Variants in ANKHD1 observed in about 807,000 individuals in gnomAD.
ANKHD1 encodes ankyrin repeat and KH domain-containing protein 1.
ANKHD1 carries 31 observed loss-of-function variants against 230.5 expected under a neutral mutation model. That is an observed-to-expected ratio of 0.13 (90% CI 0.10 to 0.18). The LOEUF (loss-of-function observed/expected upper bound fraction) is 0.18, where lower values mean the gene tolerates loss of function less well. Ranked by LOEUF, ANKHD1 falls within the 10% of genes least tolerant of loss-of-function variation. The pLI is 1.00. For missense variants in ANKHD1, 2,256 were observed against 3,071.3 expected, an observed-to-expected ratio of 0.73 and a Z score of 6.27; for synonymous variants, 1,074 against 1,117.6, an observed-to-expected ratio of 0.96 and a Z score of 0.78.
rs886279294 is a variant in ANKHD1, at chr5:140,485,306, C to T, written c.1998+58C>T. On this transcript the variant is annotated intron_variant, in intron 12 of 33. Coordinates refer to ENST00000360839, the MANE Select transcript of ANKHD1 (RefSeq NM_017747.3). The surrounding 1 kb of genome is among the most constrained non-coding windows in gnomAD (Gnocchi z 4.8). Reference sequence around the variant, plus strand: ...GTGCGGTGGCTCATGTCTATGATCCCAGCACTTTAGAAAGCTGAGGCGGGT... The same window carrying T: ...GTGCGGTGGCTCATGTCTATGATCCTAGCACTTTAGAAAGCTGAGGCGGGT... 19 of 1,557,802 alleles carry T rather than the reference C, an allele frequency of 1.2e-5. No individual in the cohort carries two copies. Among genetic ancestry groups the T allele is most frequent in the Admixed American group, 1.9e-5 (1 of 53,052 alleles).
intron 24 of ANKHD1, among the ~76,000 whole-genome samples, chr5:140,516,004 C>T (rs928692827): frequency 3.3e-5 from 5 of 152,026 alleles, no homozygotes; most frequent in South Asian, 2.1e-4. Flanking sequence ...CTCTGAGCTA[C>T]GGGAGGAAAT....
intron 28 of ANKHD1, 25 bp from the exon 29 acceptor site, chr5:140,528,159 G>GT: frequency 1.4e-6 from 2 of 1,462,738 alleles, no homozygotes; most frequent in Non-Finnish European, 9.0e-7. Context: ...TTTTGGTCTT[G>GT]TTTCTGTTTT....
At chr5:140,438,358 C>A (rs1773605326) in intron 2 of ANKHD1, 103 bp from the exon 3 acceptor site, 3 of 1,409,408 alleles carry the variant, frequency 2.1e-6, no homozygotes, top group Non-Finnish European at 2.8e-6. Context: ...TATACCATTT[C>A]TTTTTCCTAG....
intron 2 of ANKHD1, 67 bp from the exon 3 acceptor site, chr5:140,438,394 C>G: frequency 6.9e-7 from 1 of 1,445,466 alleles, no homozygotes; most frequent in Non-Finnish European, 9.2e-7. Context: ...AATATAATTA[C>G]AATTTGCACT....
At chr5:140,525,195 A>G (rs1006010021) in intron 25 of ANKHD1, among the ~76,000 whole-genome samples, 1 of 152,170 alleles carries the variant, frequency 6.6e-6, no homozygotes, top group Non-Finnish European at 1.5e-5. Flanking sequence ...AGACAAGAAA[A>G]TATATTTTAT....
At chr5:140,413,318 T>C (rs1016763068) in intron 1 of ANKHD1, among the ~76,000 whole-genome samples, 1 of 152,204 alleles carries the variant, frequency 6.6e-6, no homozygotes, top group Non-Finnish European at 1.5e-5. Flanking sequence ...AATATGTATA[T>C]ATAACATAAA....
chr5:140,474,042 A>G (rs1223576886), intron 10 of ANKHD1, among the ~76,000 whole-genome samples: 1 of 152,146 alleles, frequency 6.6e-6, no homozygotes, highest in Non-Finnish European at 1.5e-5. Context: ...ATCATTGCTG[A>G]GTTCTTTTCT....
chr5:140,524,953 T>A (rs1371309767), intron 25 of ANKHD1: 13 of 343,974 alleles, frequency 3.8e-5, no homozygotes, highest in Non-Finnish European at 5.8e-5. Flanking sequence ...AAAAAAAAAA[T>A]TACAAAATTA....
At chr5:140,475,862 A>G (rs888928292) in intron 10 of ANKHD1, among the ~76,000 whole-genome samples, 1 of 152,206 alleles carries the variant, frequency 6.6e-6, no homozygotes, top group Non-Finnish European at 1.5e-5. Context: ...AAAAATTATA[A>G]AGCTGGAGAG....
At chr5:140,403,882 A>C (rs1228931370) in intron 1 of ANKHD1, among the ~76,000 whole-genome samples, 1 of 152,162 alleles carries the variant, frequency 6.6e-6, no homozygotes, top group Non-Finnish European at 1.5e-5. Context: ...AATAAGGAGA[A>C]ATTATTTGTG....
At position 140,505,880 on chromosome 5, in the gene ANKHD1, G is replaced by A; in HGVS notation, c.3408+11G>A. On this transcript the variant is annotated intron_variant, in intron 18 of 33. Transcript: ENST00000360839. ...GGTGGACGTCAGGAGGTGTGTTAAT[G>A]TTAATTTTCATTTTGTAAATATTTT... is the stretch of plus-strand genomic sequence containing the variant. The A allele has an allele frequency of 6.4e-7, 1 of 1,558,006 alleles. No homozygotes were observed. Among genetic ancestry groups the A allele is most frequent in the Non-Finnish European group, 8.6e-7 (1 of 1,159,118 alleles).
chr5:140,529,123 G>C lies in ANKHD1; in HGVS notation c.6177G>C (p.Pro2059=), dbSNP rs377046202. 57 of 1,613,772 alleles carry C rather than the reference G, an allele frequency of 3.5e-5. No individual in the cohort carries two copies. The highest frequency in any genetic ancestry group is 4.7e-5 in the Non-Finnish European group (55 of 1,179,986). Residue 2059 remains proline (P), a synonymous_variant, in exon 29 of 34, where the codon CCG becomes CCC. Transcript: ENST00000360839. ...GCAGTAGCTCTGCCAGCAACACCCC[G>C]GGAGCTCCAGAAACTCACCCATCCA... is the stretch of plus-strand genomic sequence containing the variant. ...NSCSSSASNT[P]GAPETHPSSS...
At chr5:140,454,196 C>G (rs1253275022) in intron 7 of ANKHD1, among the ~76,000 whole-genome samples, 2 of 152,076 alleles carry the variant, frequency 1.3e-5, no homozygotes, top group African/African-American at 4.8e-5. Flanking sequence ...TACAGGAGCA[C>G]CCAGATTCAT....
At position 140,529,721 on chromosome 5, in the gene ANKHD1, G is replaced by A. The variant is rs772727159; in HGVS notation, c.6775G>A (p.Glu2259Lys). The change falls in exon 29 of 34, where the codon GAA becomes AAA. Residue 2259 changes from glutamate to lysine, a missense_variant. This residue lies in a region of ANKHD1 where 778 missense variants were observed against 966.5 expected (regional missense o/e 0.80). Transcript: ENST00000360839. Reference sequence around the variant, plus strand: ...GGGTAACTCAGTGCTTGGACACTTGGAAAACATGCACCCTGATAACTCAAA... The same window carrying A: ...GGGTAACTCAGTGCTTGGACACTTGAAAAACATGCACCCTGATAACTCAAA... ...FLGNSVLGHL[E>K]NMHPDNSKAP... 2 of 1,614,122 alleles carry A rather than the reference G, an allele frequency of 1.2e-6. No homozygotes were observed. The highest frequency in any genetic ancestry group is 1.7e-5 in the Admixed American group (1 of 60,002).
chr5:140,436,317 T>TA, intron 2 of ANKHD1, 60 bp downstream of exon 2: 1 of 1,344,258 alleles, frequency 7.4e-7, no homozygotes, highest in African/African-American at 1.5e-5. Flanking sequence ...TCTTTACAGT[T>TA]ACATGAGATT....
At position 140,428,240 on chromosome 5, in the gene ANKHD1, C is replaced by G. The variant is rs62385223; in HGVS notation, c.307-7864C>G. On this transcript the variant is annotated intron_variant, in intron 1 of 33. Transcript: ENST00000360839. The stretch of plus-strand genomic sequence containing the variant: ...CTCACTTCCCAGACGGGGTGGCGGC[C>G]GGGCAGAGGCTGCAATCTCGGCACT... Among the ~76,000 whole-genome samples, 679 of 152,190 alleles carry G rather than the reference C, an allele frequency of 4.5e-3. 4 individuals carry two copies. Among genetic ancestry groups the G allele is most frequent in the Non-Finnish European group, 4.8e-3 (327 of 67,980 alleles).
At chr5:140,449,172 A>G (rs1416243838) in intron 6 of ANKHD1, 39 bp from the exon 7 acceptor site, 25 of 1,551,620 alleles carry the variant, frequency 1.6e-5, no homozygotes, top group Non-Finnish European at 2.2e-5. Flanking sequence ...TATTAAACTG[A>G]TAGTGAATTC....
intron 10 of ANKHD1, among the ~76,000 whole-genome samples, chr5:140,471,193 A>T (rs546442591): frequency 6.6e-6 from 1 of 152,036 alleles, no homozygotes; most frequent in South Asian, 2.1e-4. Flanking sequence ...CTCAATCTGT[A>T]TTTAGTTTCT....
intron 1 of ANKHD1, among the ~76,000 whole-genome samples, chr5:140,427,522 G>A (rs1287828927): frequency 4.6e-5 from 6 of 129,118 alleles, no homozygotes; most frequent in East Asian, 2.5e-4. Flanking sequence ...CTCACCTCCC[G>A]GACGGGGCGG....
Sources: gnomAD v4.1 joint callset for allele counts (sites outside exome capture counted in the v4.1 genomes callset) on GRCh38, gnomAD v4.1.1 for gene constraint, gnomAD v4.1.1 regional missense constraint, Gnocchi (gnomAD v3.1) non-coding constraint, MANE v1.5 for transcripts, NCBI Gene and HGNC (gene_info 2026-07-23, HGNC 2026-07-21) for gene names.